ATP6V1H: variants seen among roughly 807,000 people sequenced by gnomAD.
The protein encoded by ATP6V1H is V-type proton ATPase subunit H.
A neutral mutation model predicts 71.7 loss-of-function variants in ATP6V1H; 39 were observed. The ratio of observed to expected loss-of-function variants is 0.54; its 90% confidence interval spans 0.42 to 0.71. ATP6V1H has a LOEUF of 0.71. ATP6V1H is among the 30% of genes least tolerant of loss of function. The probability of loss-of-function intolerance (pLI) is 0.00; values close to 1 mark genes in which losing one functional copy is unlikely to be tolerated. For synonymous variants in ATP6V1H, 192 were observed against 199.3 expected, an observed-to-expected ratio of 0.96 and a Z score of 0.31; for missense variants, 509 against 594.9, an observed-to-expected ratio of 0.86 and a Z score of 1.50.
intron 11 of ATP6V1H, among the ~76,000 whole-genome samples, chr8:53,766,068 T>C (rs1042952470): frequency 7.9e-5 from 12 of 152,324 alleles, no homozygotes; most frequent in African/African-American, 2.6e-4. Flanking sequence ...CACAGAGCTA[T>C]ACACAAAGTT....
rs565472635 is a variant in ATP6V1H, at chr8:53,735,543, G to A, written c.1391+8034C>T. Among the ~76,000 whole-genome samples the A allele has an allele frequency of 1.6e-4, 25 of 152,160 alleles. 1 individual carries two copies. In the South Asian group the frequency reaches 4.8e-3, roughly 29 times the overall value. ...CCTATGCTCCTCCTCCAAGTCAGGT[G>A]CACCCCCACCAAACAAACTAGGTAG... is the stretch of plus-strand genomic sequence containing the variant. On this transcript the variant is annotated intron_variant, in intron 13 of 13. Transcript: ENST00000359530.
intron 6 of ATP6V1H, 47 bp downstream of exon 6, chr8:53,814,615 C>T (rs201294011): frequency 9.8e-6 from 10 of 1,019,886 alleles, no homozygotes; most frequent in African/African-American, 3.2e-5. Flanking sequence ...TAAAAGAACA[C>T]GGATGTTATA....
At chr8:53,839,332 A>T (rs1811272250) in intron 2 of ATP6V1H, among the ~76,000 whole-genome samples, 1 of 152,212 alleles carries the variant, frequency 6.6e-6, no homozygotes. Context: ...TAAAGAAATT[A>T]GGAAACAGAG....
chr8:53,757,248 C>T (rs752024039), intron 11 of ATP6V1H, among the ~76,000 whole-genome samples: 11 of 152,192 alleles, frequency 7.2e-5, no homozygotes, highest in South Asian at 2.1e-4. Context: ...TGGAGCCTGA[C>T]GGGTACTTCT....
At chr8:53,747,356 G>C (rs1807641001) in intron 12 of ATP6V1H, among the ~76,000 whole-genome samples, 1 of 152,090 alleles carries the variant, frequency 6.6e-6, no homozygotes, top group South Asian at 2.1e-4. Flanking sequence ...AATGAGCACA[G>C]AAACCATGCC....
chr8:53,806,729 TTAAA>T, intron 7 of ATP6V1H: 2 of 394,712 alleles, frequency 5.1e-6, no homozygotes, highest in Non-Finnish European at 1.0e-5. Flanking sequence ...AGTCTTAAAT[TTAAA>T]TACTTTACCA....
intron 3 of ATP6V1H, 44 bp downstream of exon 3, chr8:53,832,940 G>C: frequency 2.3e-6 from 3 of 1,328,722 alleles, no homozygotes; most frequent in Non-Finnish European, 3.2e-6. Flanking sequence ...CTAAACTTTT[G>C]GATGACACGG....
At chr8:53,748,802 G>A (rs933742706) in intron 12 of ATP6V1H, among the ~76,000 whole-genome samples, 2 of 152,118 alleles carry the variant, frequency 1.3e-5, no homozygotes, top group African/African-American at 4.8e-5. Flanking sequence ...TTTCTATAAT[G>A]AGAGTTTGTT....
At chr8:53,784,521 C>G (rs1017757832) in intron 9 of ATP6V1H, among the ~76,000 whole-genome samples, 2 of 152,144 alleles carry the variant, frequency 1.3e-5, no homozygotes, top group Admixed American at 1.3e-4. Flanking sequence ...TTAATTGGAG[C>G]ATTTAGCCCA....
intron 3 of ATP6V1H, chr8:53,831,747 C>CTTTTTTT (rs34474317): frequency 3.1e-4 from 34 of 109,802 alleles, no homozygotes; most frequent in African/African-American, 6.3e-4. Context: ...TAATTACACT[C>CTTTTTTT]TTTTTTTTTT....
chr8:53,836,965 A>G (rs558812896), intron 2 of ATP6V1H, among the ~76,000 whole-genome samples: 1 of 152,054 alleles, frequency 6.6e-6, no homozygotes, highest in Non-Finnish European at 1.5e-5. Flanking sequence ...ACATGGTGAA[A>G]CTCTGTCTCC....
At chr8:53,775,591 AG>A (rs1808848695) in intron 9 of ATP6V1H, among the ~76,000 whole-genome samples, 1 of 152,080 alleles carries the variant, frequency 6.6e-6, no homozygotes, top group Non-Finnish European at 1.5e-5. Context: ...CTAGATACAG[AG>A]TGTCGATTGG....
At chr8:53,796,698 T>C (rs1207870945) in intron 8 of ATP6V1H, among the ~76,000 whole-genome samples, 1 of 152,200 alleles carries the variant, frequency 6.6e-6, no homozygotes, top group Non-Finnish European at 1.5e-5. Context: ...TCTATTAACA[T>C]TGGATCATCA....
intron 9 of ATP6V1H, among the ~76,000 whole-genome samples, chr8:53,772,708 G>C (rs1808710433): frequency 6.6e-6 from 1 of 151,990 alleles, no homozygotes; most frequent in Non-Finnish European, 1.5e-5. Context: ...TTCTCTTCTA[G>C]GATTTTCTAT....
In ATP6V1H at chr8:53,836,770, T is replaced by C. The variant is rs140384841; in HGVS notation, c.114-3684A>G. Among the ~76,000 whole-genome samples the C allele has an allele frequency of 2.4e-3, 364 of 152,310 alleles. 2 individuals are homozygous for C. Among genetic ancestry groups the C allele is most frequent in the African/African-American group, 7.9e-3 (330 of 41,578 alleles). On this transcript the variant is annotated intron_variant, in intron 2 of 13. Coordinates refer to ENST00000359530, the MANE Select transcript of ATP6V1H (RefSeq NM_015941.4). The stretch of plus-strand genomic sequence containing the variant: ...ATTCAGTAAAAATATTTAAAATCAA[T>C]TGACTAACTAAAACCTATATAATCA...
chr8:53,823,330 G>C (rs1183686889), intron 4 of ATP6V1H, among the ~76,000 whole-genome samples: 4 of 152,122 alleles, frequency 2.6e-5, no homozygotes, highest in African/African-American at 9.7e-5. Flanking sequence ...AAGCATTTCT[G>C]CCTGAAAATT....
At chr8:53,719,538 C>T (rs926128922) in intron 13 of ATP6V1H, among the ~76,000 whole-genome samples, 12 of 152,188 alleles carry the variant, frequency 7.9e-5, no homozygotes, top group African/African-American at 2.9e-4. Context: ...GACTGGGGGA[C>T]ACAAGCCTGC....
chr8:53,804,881 C>A (rs993091396), intron 7 of ATP6V1H, among the ~76,000 whole-genome samples: 3 of 152,158 alleles, frequency 2.0e-5, no homozygotes, highest in Non-Finnish European at 4.4e-5. Flanking sequence ...TAGATAAATT[C>A]TTCAATGTTG....
chr8:53,777,151 A>G (rs1020996461), intron 9 of ATP6V1H, among the ~76,000 whole-genome samples: 7 of 152,248 alleles, frequency 4.6e-5, no homozygotes, highest in African/African-American at 1.7e-4. Context: ...GTGCAAATGT[A>G]TACCTGAAAA....
Sources: allele counts gnomAD v4.1 joint callset (sites outside exome capture counted in the v4.1 genomes callset), GRCh38; gene constraint gnomAD v4.1.1; transcripts MANE v1.5; gene names NCBI Gene and HGNC (gene_info 2026-07-23, HGNC 2026-07-21).